The following BDKRB2 variants were observed in gnomAD, a reference collection of about 807,000 sequenced individuals.
BDKRB2 encodes bradykinin receptor B2, also known as B2 bradykinin receptor.
BDKRB2 carries 6 observed loss-of-function variants against 4.0 expected under a neutral mutation model. The observed-to-expected ratio is 1.49, with a 90% confidence interval of 0.81 to 2.93. The LOEUF (loss-of-function observed/expected upper bound fraction) is 2.93, where lower values mean the gene tolerates loss of function less well. Ranked by LOEUF, BDKRB2 falls within the 30% of genes most tolerant of loss-of-function variation. The pLI, the probability that BDKRB2 is intolerant of heterozygous loss-of-function variation, is 0.00. For synonymous variants in BDKRB2, 225 were observed against 215.3 expected, an observed-to-expected ratio of 1.05 and a Z score of -0.40; for missense variants, 478 against 520.1, an observed-to-expected ratio of 0.92 and a Z score of 0.79.
Position 96,237,938 on chromosome 14 carries a change from G to A in BDKRB2, c.74+757G>A, listed in dbSNP as rs1191617707. 3 of 1,219,336 alleles carry A rather than the reference G, an allele frequency of 2.5e-6. No homozygotes were observed. In the African/African-American group the frequency reaches 4.7e-5, roughly 19 times the overall value. The allele number at this position is 1,219,336 out of a possible 1,614,324, so 75.5% of individuals were successfully genotyped here. A position where few individuals can be genotyped will look rare whatever the true frequency, so the allele number is the denominator to read the frequency against. On this transcript the variant is annotated intron_variant, in intron 2 of 2. Coordinates refer to ENST00000554311, the MANE Select transcript of BDKRB2 (RefSeq NM_001379692.1). The stretch of plus-strand genomic sequence containing the variant: ...TTTGGTCTCTAGTGAGTTAGCTCAT[G>A]AAAGATGACAGACTCTCCAAGCCAG...
chr14:96,238,416 C>T (rs1363684486), intron 2 of BDKRB2: 35 of 968,012 alleles, frequency 3.6e-5, no homozygotes, highest in Middle Eastern at 5.3e-4. Context: ...AAGCAGATTC[C>T]TCCTTTTGAA....
chr14:96,240,050 G>A (rs941843080), intron 2 of BDKRB2: 1 of 1,026,254 alleles, frequency 9.7e-7, no homozygotes, highest in Non-Finnish European at 1.2e-6. Context: ...GGAGGGCCCC[G>A]GTTGATAAGG....
chr14:96,238,957 T>G lies in BDKRB2; in HGVS notation c.75-1446T>G, dbSNP rs1047793071. ...ACAGAGCAGACGCTCAAAAAACATTTAAAGGATAGAAGCATTGATTTGTGG... is the reference window on the plus strand; with the variant it reads ...ACAGAGCAGACGCTCAAAAAACATTGAAAGGATAGAAGCATTGATTTGTGG... On this transcript the variant is annotated intron_variant, in intron 2 of 2. Coordinates refer to ENST00000554311, the MANE Select transcript of BDKRB2 (RefSeq NM_001379692.1). 25 of 985,428 alleles carry G rather than the reference T, an allele frequency of 2.5e-5. No individual in the cohort carries two copies. The African/African-American group carries it at 3.8e-4, about 15-fold the overall frequency. 61.0% of individuals were successfully genotyped at this position (985,428 alleles called of 1,614,324 possible). A position where few individuals can be genotyped will look rare whatever the true frequency, so the allele number is the denominator to read the frequency against.
rs1310557751 is a variant in BDKRB2, at chr14:96,241,218, G to A, written c.890G>A (p.Arg297His). 4 of 1,609,606 alleles carry A rather than the reference G, an allele frequency of 2.5e-6. No individual in the cohort carries two copies. Among genetic ancestry groups the A allele is most frequent in the East Asian group, 2.2e-5 (1 of 44,800 alleles). ...QISTFLDTLH[R>H]LGILSSCQDE... ...AGCACCTTCCTGGATACGCTGCATCGCCTCGGCATCCTCTCCAGCTGCCAG... is the reference window on the plus strand; with the variant it reads ...AGCACCTTCCTGGATACGCTGCATCACCTCGGCATCCTCTCCAGCTGCCAG... The change falls in exon 3 of 3, where the codon CGC (arginine) becomes CAC (histidine). Residue 297 changes from arginine (R) to histidine (H), a missense_variant. Physicochemically the swap from Arg to His is conservative, Grantham distance 29. Transcript: ENST00000554311.
chr14:96,211,721 C>A (rs995162353), intron 1 of BDKRB2, among the ~76,000 whole-genome samples: 2 of 152,194 alleles, frequency 1.3e-5, no homozygotes. Context: ...TTGAATCCCA[C>A]CCCATTCCTC....
At position 96,234,017 on chromosome 14, in the gene BDKRB2, G is replaced by A. The variant is rs563964052; in HGVS notation, c.-39-3052G>A. ...CACATGAGTCCACCCTCCTAGCTCTGTAGACAAGGAAACTGTGGTCCAGAG... is the reference window on the plus strand; with the variant it reads ...CACATGAGTCCACCCTCCTAGCTCTATAGACAAGGAAACTGTGGTCCAGAG... On this transcript the variant is annotated intron_variant, in intron 1 of 2. Transcript: ENST00000554311. 3.6e-4 allele frequency: 55 copies of A among 152,272 alleles called. 1 individual carries two copies. Among genetic ancestry groups the A allele is most frequent in the African/African-American group, 1.3e-3 (52 of 41,522 alleles). 9.4% of individuals were successfully genotyped at this position (152,272 alleles called of 1,614,324 possible). A position where few individuals can be genotyped will look rare whatever the true frequency, so the allele number is the denominator to read the frequency against.
chr14:96,206,841 A>G (rs924719429), intron 1 of BDKRB2, among the ~76,000 whole-genome samples: 5 of 152,082 alleles, frequency 3.3e-5, no homozygotes, highest in African/African-American at 1.2e-4. Context: ...ATTTATCAAA[A>G]AACAGACATT....
intron 2 of BDKRB2, chr14:96,239,037 T>G: frequency 1.0e-6 from 1 of 985,474 alleles, no homozygotes; most frequent in Non-Finnish European, 1.2e-6. Flanking sequence ...GCAAACGGAC[T>G]TTTCCTGGGA....
Position 96,244,101 on chromosome 14 carries a change from A to G in BDKRB2, c.*2597A>G. On this transcript the variant is annotated 3_prime_UTR_variant, in exon 3 of 3. Coordinates refer to ENST00000554311, the MANE Select transcript of BDKRB2 (RefSeq NM_001379692.1). Reference sequence around the variant, plus strand: ...TAAACAGGAAGCATTTCACATCCAAACGAGAAAATCATGTAAACATGTGTC... The same window carrying G: ...TAAACAGGAAGCATTTCACATCCAAGCGAGAAAATCATGTAAACATGTGTC... 2.5e-6 allele frequency: 1 copy of G among 398,454 alleles called. No homozygotes were observed. 24.7% of individuals were successfully genotyped at this position (398,454 alleles called of 1,614,324 possible).
At chr14:96,232,689 G>A (rs998484916) in intron 1 of BDKRB2, among the ~76,000 whole-genome samples, 5 of 152,148 alleles carry the variant, frequency 3.3e-5, no homozygotes, top group African/African-American at 7.2e-5. Flanking sequence ...AGGAGATTAC[G>A]CACATAGAAA....
At chr14:96,223,242 T>A (rs1890615742) in intron 1 of BDKRB2, 1 of 1,076,974 alleles carries the variant, frequency 9.3e-7, no homozygotes, top group Non-Finnish European at 1.4e-6. Flanking sequence ...AATGGAGGAA[T>A]CTTGGCGTTC....
At chr14:96,238,882 G>C (rs768481068) in intron 2 of BDKRB2, 3 of 986,630 alleles carry the variant, frequency 3.0e-6, no homozygotes, top group East Asian at 1.1e-4. Flanking sequence ...GGCAGGGCAG[G>C]GGCCGGGTGG....
chr14:96,226,814 C>A (rs931279888), intron 1 of BDKRB2, among the ~76,000 whole-genome samples: 1 of 152,192 alleles, frequency 6.6e-6, no homozygotes, highest in African/African-American at 2.4e-5. Context: ...TTTCCAAGAG[C>A]CCTTCCCACA....
At chr14:96,207,748 T>C (rs903793360) in intron 1 of BDKRB2, among the ~76,000 whole-genome samples, 2 of 152,100 alleles carry the variant, frequency 1.3e-5, no homozygotes, top group African/African-American at 4.8e-5. Context: ...CTGCTCAATT[T>C]TGCTGTGAAT....
At chr14:96,219,614 G>T (rs1016597622) in intron 1 of BDKRB2, among the ~76,000 whole-genome samples, 1 of 151,682 alleles carries the variant, frequency 6.6e-6, no homozygotes, top group East Asian at 1.9e-4. Flanking sequence ...CTGGCACATT[G>T]CAGATGATAT....
Position 96,241,593 on chromosome 14 carries a change from C to G in BDKRB2, c.*89C>G. 1 of 1,462,308 alleles carries G rather than the reference C, an allele frequency of 6.8e-7. No individual in the cohort carries two copies. The highest frequency in any genetic ancestry group is 1.4e-5 in the African/African-American group (1 of 71,056). The allele number at this position is 1,462,308 out of a possible 1,614,324, so 90.6% of individuals were successfully genotyped here. ...GGGCCCAGGAATGCCAAGGAGACAT[C>G]TATGCACGACCTTGGGAAATGAGTT... On this transcript the variant is annotated 3_prime_UTR_variant, in exon 3 of 3. Coordinates refer to ENST00000554311, the MANE Select transcript of BDKRB2 (RefSeq NM_001379692.1).
chr14:96,233,276 C>T (rs964139419), intron 1 of BDKRB2, among the ~76,000 whole-genome samples: 11 of 152,208 alleles, frequency 7.2e-5, no homozygotes, highest in Admixed American at 2.0e-4. Context: ...TCAAGCGATC[C>T]GCCTGCCTCA....
rs968533415 is a variant in BDKRB2 at position 96,216,700 on chromosome 14, G to A, written c.-40+11741G>A. On this transcript the variant is annotated intron_variant, in intron 1 of 2. Coordinates refer to ENST00000554311, the MANE Select transcript of BDKRB2 (RefSeq NM_001379692.1). The stretch of plus-strand genomic sequence containing the variant: ...AAGAAGGAGGAGGAGGAGGAAGGAG[G>A]AGGAAGGAGGAGGAAGAGGAAGGAG... Among the ~76,000 whole-genome samples the A allele has an allele frequency of 7.1e-5, 9 of 126,850 alleles. No homozygotes were observed. In the South Asian group the frequency reaches 2.5e-3, roughly 35 times the overall value. The allele number at this position is 126,850 out of a possible 152,430, so 83.2% of individuals were successfully genotyped here.
intron 1 of BDKRB2, among the ~76,000 whole-genome samples, chr14:96,205,565 G>C (rs973243799): frequency 1.3e-5 from 2 of 152,174 alleles, no homozygotes; most frequent in African/African-American, 4.8e-5. Flanking sequence ...TGGGCTTAGA[G>C]ACCCTCTTCC....
Sources: gnomAD v4.1 joint callset for allele counts (sites outside exome capture counted in the v4.1 genomes callset) on GRCh38, gnomAD v4.1.1 for gene constraint, MANE v1.5 for transcripts, NCBI Gene and HGNC (gene_info 2026-07-23, HGNC 2026-07-21) for gene names.